The following SGCD variants were observed in gnomAD, a reference collection of about 807,000 sequenced individuals.
SGCD encodes sarcoglycan delta, also known as delta-sarcoglycan.
Under a neutral mutation model 36.6 loss-of-function variants are expected in SGCD, and 18 were observed. The ratio of observed to expected loss-of-function variants is 0.49; its 90% confidence interval spans 0.34 to 0.73. SGCD has a LOEUF of 0.73. Among genes scored for constraint, SGCD ranks in the 30% least tolerant of loss-of-function variants. The probability of loss-of-function intolerance (pLI) is 0.01; values close to 1 mark genes in which losing one functional copy is unlikely to be tolerated. For synonymous variants in SGCD, 133 were observed against 130.6 expected (o/e 1.02, Z -0.12); for missense variants, 387 against 346.7 (o/e 1.12, Z -0.92).
intron 3 of SGCD, among the ~76,000 whole-genome samples, chr5:156,136,028 C>T (rs1037884077): frequency 5.3e-5 from 8 of 152,196 alleles, no homozygotes; most frequent in Non-Finnish European, 8.8e-5. Flanking sequence ...AACTCCCTCA[C>T]AAATCGAAAT....
intron 3 of SGCD, among the ~76,000 whole-genome samples, chr5:156,369,688 T>C (rs1185937903): frequency 6.6e-6 from 1 of 152,190 alleles, no homozygotes; most frequent in East Asian, 1.9e-4. Flanking sequence ...GAGAGTTAGA[T>C]TTTAAATCTA....
At chr5:156,512,355 A>G (rs1470118012) in intron 4 of SGCD, among the ~76,000 whole-genome samples, 1 of 152,116 alleles carries the variant, frequency 6.6e-6, no homozygotes, top group Non-Finnish European at 1.5e-5. Flanking sequence ...TACTTTTTCT[A>G]TGTTTAGATA....
intron 3 of SGCD, among the ~76,000 whole-genome samples, chr5:156,302,116 A>G (rs535928415): frequency 2.6e-5 from 4 of 152,188 alleles, no homozygotes; most frequent in East Asian, 3.9e-4. Context: ...CTTCTTCTCT[A>G]TCTCCTCTGT....
intron 3 of SGCD, among the ~76,000 whole-genome samples, chr5:156,477,720 T>C (rs936304245): frequency 2.0e-5 from 3 of 147,964 alleles, no homozygotes; most frequent in South Asian, 2.1e-4. Flanking sequence ...GTCAAGGTCA[T>C]AGGCACTTCT....
At chr5:156,243,224 C>T (rs1765349188) in intron 3 of SGCD, among the ~76,000 whole-genome samples, 1 of 152,216 alleles carries the variant, frequency 6.6e-6, no homozygotes, top group Admixed American at 6.5e-5. Context: ...GAGCACAGGT[C>T]AGGTGAAGGA....
chr5:156,014,700 A>G (rs570751650), intron 1 of SGCD, among the ~76,000 whole-genome samples: 2 of 151,788 alleles, frequency 1.3e-5, no homozygotes, highest in African/African-American at 4.8e-5. Context: ...TCTTTGTCAC[A>G]TTTTTTCCTT....
At chr5:155,785,396 A>G in the SGCD span, among the ~76,000 whole-genome samples, 1 of 152,150 alleles carries the variant, frequency 6.6e-6, no homozygotes, top group Non-Finnish European at 1.5e-5. Flanking sequence ...CCTATCCATC[A>G]CCTCAAACAT....
At chr5:156,293,294 A>T (rs571292557) in intron 3 of SGCD, among the ~76,000 whole-genome samples, 3 of 152,168 alleles carry the variant, frequency 2.0e-5, no homozygotes, top group Non-Finnish European at 4.4e-5. Flanking sequence ...CAAAATTTTT[A>T]AATTTTCTTA....
intron 4 of SGCD, among the ~76,000 whole-genome samples, chr5:156,565,224 G>T (rs181801796): frequency 2.0e-5 from 3 of 152,244 alleles, no homozygotes; most frequent in South Asian, 4.1e-4. Context: ...TATTTGGGTT[G>T]TATTTAGGTT....
intron 3 of SGCD, among the ~76,000 whole-genome samples, chr5:156,391,279 G>A (rs1237545648): frequency 6.6e-6 from 1 of 152,238 alleles, no homozygotes; most frequent in African/African-American, 2.4e-5. Flanking sequence ...CAGCCTGGGT[G>A]TGTAGCACGC....
intron 7 of SGCD, among the ~76,000 whole-genome samples, chr5:156,719,791 C>T (rs948567039): frequency 5.3e-5 from 8 of 151,474 alleles, no homozygotes; most frequent in African/African-American, 1.7e-4. Flanking sequence ...TAGCCTAGGC[C>T]CTAAGCACAG....
chr5:156,282,565 A>G (rs920205097), intron 3 of SGCD, among the ~76,000 whole-genome samples: 1 of 152,218 alleles, frequency 6.6e-6, no homozygotes, highest in Admixed American at 6.5e-5. Context: ...TGTGTGTTTC[A>G]CTGCCTTACA....
rs1355828620 is a variant in SGCD, at chr5:156,406,811, TATATATATACACAC to T, written c.192+62136_192+62149del. Among the ~76,000 whole-genome samples the T allele has an allele frequency of 2.2e-4, 23 of 104,964 alleles. No individual in the cohort carries two copies. The South Asian group carries it at 3.1e-3, about 14-fold the overall frequency. 68.9% of individuals were successfully genotyped at this position (104,964 alleles called of 152,430 possible). A position where few individuals can be genotyped will look rare whatever the true frequency, so the allele number is the denominator to read the frequency against. ...GATTTTATATATATATATATATATA[TATATATATACACAC>T]ACACACACACACACACATATATATG... On this transcript the variant is annotated intron_variant, in intron 3 of 8. Coordinates refer to ENST00000337851, the MANE Select transcript of SGCD (RefSeq NM_000337.6).
chr5:156,018,368 A>T (rs910569777), intron 1 of SGCD, among the ~76,000 whole-genome samples: 35 of 152,224 alleles, frequency 2.3e-4, no homozygotes, highest in African/African-American at 8.4e-4. Context: ...ATGTCCCACT[A>T]TGAACATGTA....
chr5:156,735,049 C>T (rs1231896872), intron 7 of SGCD, among the ~76,000 whole-genome samples: 1 of 152,174 alleles, frequency 6.6e-6, no homozygotes, highest in Non-Finnish European at 1.5e-5. Flanking sequence ...AGTCTGGCCA[C>T]TTTTCTTAAG....
chr5:155,963,603 A>G (rs1284155726), intron 1 of SGCD, among the ~76,000 whole-genome samples: 1 of 152,070 alleles, frequency 6.6e-6, no homozygotes, highest in Non-Finnish European at 1.5e-5. Flanking sequence ...CAACCACCCT[A>G]TAAAGAAAAA....
chr5:156,313,490 T>C (rs1767442848), intron 3 of SGCD, among the ~76,000 whole-genome samples: 1 of 152,100 alleles, frequency 6.6e-6, no homozygotes, highest in Admixed American at 6.6e-5. Context: ...TTAGTAAATG[T>C]TGGCTGCTAT....
At chr5:156,261,718 C>G (rs1220617070) in intron 3 of SGCD, among the ~76,000 whole-genome samples, 1 of 152,092 alleles carries the variant, frequency 6.6e-6, no homozygotes, top group Non-Finnish European at 1.5e-5. Flanking sequence ...GATGACAGCT[C>G]CAAGTATGTT....
intron 6 of SGCD, among the ~76,000 whole-genome samples, chr5:156,619,500 A>G (rs2113491927): frequency 6.6e-6 from 1 of 152,310 alleles, no homozygotes; most frequent in Middle Eastern, 3.4e-3. Flanking sequence ...AGGACAGAGT[A>G]TTTTCAAATG....
Sources: allele counts gnomAD v4.1 joint callset (sites outside exome capture counted in the v4.1 genomes callset), GRCh38; gene constraint gnomAD v4.1.1; transcripts MANE v1.5; gene names NCBI Gene and HGNC (gene_info 2026-07-23, HGNC 2026-07-21).